PTCD2: variants seen among roughly 807,000 people sequenced by gnomAD.
PTCD2 encodes the protein pentatricopeptide repeat-containing protein 2, mitochondrial.
PTCD2 carries 31 observed loss-of-function variants against 42.6 expected under a neutral mutation model. That is an observed-to-expected ratio of 0.73 (90% confidence interval 0.55 to 0.98). The LOEUF (loss-of-function observed/expected upper bound fraction) is 0.98, where lower values mean the gene tolerates loss of function less well. Among genes scored for constraint, PTCD2 ranks in the 50% least tolerant of loss-of-function variants. The probability of loss-of-function intolerance (pLI) is 0.00; values close to 1 mark genes in which losing one functional copy is unlikely to be tolerated. For synonymous variants in PTCD2, 183 were observed against 170.9 expected (o/e 1.07, Z -0.55); for missense variants, 476 against 454.8 (o/e 1.05, Z -0.42).
rs1373563192 is a variant in PTCD2, at chr5:72,359,941, A to G, written c.*1514A>G. On this transcript the variant is annotated 3_prime_UTR_variant, in exon 10 of 10. Transcript: ENST00000380639. ...TTTCCTCATTTGGTAAATGGGGATA[A>G]TGGTACCGACCTCTTAGGCTTGGTG... The G allele has an allele frequency of 7.2e-5, 11 of 152,062 alleles. No homozygotes were observed. The highest frequency in any genetic ancestry group is 6.6e-4 in the Admixed American group (10 of 15,240). The allele number at this position is 152,062 out of a possible 1,614,324, so 9.4% of individuals were successfully genotyped here.
At chr5:72,350,934 C>T (rs945040157) in intron 8 of PTCD2, among the ~76,000 whole-genome samples, 4 of 152,184 alleles carry the variant, frequency 2.6e-5, no homozygotes, top group Non-Finnish European at 5.9e-5. Context: ...TTTAAAAGTA[C>T]ATATGTGCAC....
At chr5:72,320,651 G>T (rs1459382692) in intron 1 of PTCD2, 142 bp downstream of exon 1, 2 of 1,144,944 alleles carry the variant, frequency 1.7e-6, no homozygotes, top group Non-Finnish European at 2.5e-6. Context: ...CTAGTTGCAC[G>T]TGGGTGCAGT....
intron 8 of PTCD2, among the ~76,000 whole-genome samples, chr5:72,348,929 C>T (rs111806517): frequency 6.6e-6 from 1 of 152,342 alleles, no homozygotes; most frequent in Non-Finnish European, 1.5e-5. Flanking sequence ...GTCTAGGATG[C>T]ACAGGGAGGA....
intron 9 of PTCD2, among the ~76,000 whole-genome samples, chr5:72,354,341 G>A (rs1044667704): frequency 7.6e-5 from 9 of 118,484 alleles, no homozygotes; most frequent in African/African-American, 1.3e-4. Flanking sequence ...TCGAGATTGC[G>A]CCACTGCGCT....
At position 72,326,685 on chromosome 5, in the gene PTCD2, A is replaced by G; in HGVS notation, c.294A>G (p.Leu98=). 1 of 1,614,138 alleles carries G rather than the reference A, an allele frequency of 6.2e-7. No homozygotes were observed. Among genetic ancestry groups the G allele is most frequent in the Non-Finnish European group, 8.5e-7 (1 of 1,179,984 alleles). ...TCTTGAAGGGGGAGTTGATAACCTT[A>G]CTACATTTGTGTGAGTCTCGGGACC... ...KLILKGELIT[L]LHLCESRDHV... is the part of the protein sequence containing the mutation. Residue 98 remains leucine, a synonymous_variant, in exon 3 of 10, where the codon TTA becomes TTG. Coordinates refer to ENST00000380639, the MANE Select transcript of PTCD2 (RefSeq NM_024754.5).
At position 72,365,707 on chromosome 5, in the gene PTCD2, A is replaced by G. The variant is rs1370315223; in HGVS notation, c.*7280A>G. 1 of 152,192 alleles carries G rather than the reference A, an allele frequency of 6.6e-6. No homozygotes were observed. Among genetic ancestry groups the G allele is most frequent in the African/African-American group, 2.4e-5 (1 of 41,446 alleles). 9.4% of individuals were successfully genotyped at this position (152,192 alleles called of 1,614,324 possible). ...TGTTCCGGTTATAGCTGGTAGCAAG[A>G]TGGCTGCATGCATCATGAGGCTTTG... is the stretch of plus-strand genomic sequence containing the variant. On this transcript the variant is annotated 3_prime_UTR_variant, in exon 10 of 10. Coordinates refer to ENST00000380639, the MANE Select transcript of PTCD2 (RefSeq NM_024754.5).
intron 8 of PTCD2, among the ~76,000 whole-genome samples, chr5:72,343,836 C>T (rs1017037543): frequency 6.6e-6 from 1 of 152,238 alleles, no homozygotes; most frequent in East Asian, 1.9e-4. Context: ...ACACCATAGC[C>T]CCCATTCAGC....
intron 1 of PTCD2, 114 bp from the exon 2 acceptor site, chr5:72,322,058 T>C: frequency 3.2e-6 from 2 of 620,854 alleles, no homozygotes; most frequent in Non-Finnish European, 5.8e-6. Context: ...TATTTGTACC[T>C]GTCTAATGGA....
chr5:72,323,994 C>G (rs978639151), intron 2 of PTCD2, among the ~76,000 whole-genome samples: 1 of 152,036 alleles, frequency 6.6e-6, no homozygotes, highest in African/African-American at 2.4e-5. Context: ...AATGTTCTCT[C>G]GCTGCTCCGC....
In PTCD2 at chr5:72,367,541, G is replaced by A. The variant is rs1214170711; in HGVS notation, c.*9114G>A. On this transcript the variant is annotated 3_prime_UTR_variant, in exon 10 of 10. Transcript: ENST00000380639. The stretch of plus-strand genomic sequence containing the variant: ...TTGGCCACACCAGCTCAGGGATAAA[G>A]GTACTAGAAAAAATCTTGGGGAAAA... 1 of 152,166 alleles carries A rather than the reference G, an allele frequency of 6.6e-6. No homozygotes were observed. The highest frequency in any genetic ancestry group is 6.5e-5 in the Admixed American group (1 of 15,282). 9.4% of individuals were successfully genotyped at this position (152,166 alleles called of 1,614,324 possible). A position where few individuals can be genotyped will look rare whatever the true frequency, so the allele number is the denominator to read the frequency against.
chr5:72,325,648 T>C (rs1459013251), intron 2 of PTCD2, among the ~76,000 whole-genome samples: 1 of 152,202 alleles, frequency 6.6e-6, no homozygotes, highest in Non-Finnish European at 1.5e-5. Context: ...TTCTTTTAAA[T>C]TGAGAACAGT....
At chr5:72,333,062 A>G (rs1481082733) in intron 4 of PTCD2, among the ~76,000 whole-genome samples, 3 of 152,294 alleles carry the variant, frequency 2.0e-5, no homozygotes, top group South Asian at 2.1e-4. Flanking sequence ...TGGTGACTCA[A>G]AATGCTTTTC....
chr5:72,360,381 G>A lies in PTCD2; in HGVS notation c.*1954G>A, dbSNP rs558732079. On this transcript the variant is annotated 3_prime_UTR_variant, in exon 10 of 10. Coordinates refer to ENST00000380639, the MANE Select transcript of PTCD2 (RefSeq NM_024754.5). Reference sequence around the variant, plus strand: ...GTTGTTAGCTAACAACCATTCATTAGCGAAATAACCAAATTTTGTGAGCAG... The same window carrying A: ...GTTGTTAGCTAACAACCATTCATTAACGAAATAACCAAATTTTGTGAGCAG... The A allele has an allele frequency of 8.8e-4, 134 of 152,218 alleles. No individual in the cohort carries two copies. Among genetic ancestry groups the A allele is most frequent in the African/African-American group, 3.1e-3 (129 of 41,528 alleles). The allele number at this position is 152,218 out of a possible 1,614,324, so 9.4% of individuals were successfully genotyped here.
At chr5:72,340,560 A>G (rs570175475) in intron 7 of PTCD2, among the ~76,000 whole-genome samples, 2 of 152,248 alleles carry the variant, frequency 1.3e-5, no homozygotes, top group Admixed American at 6.5e-5. Flanking sequence ...AGTCCTTTGT[A>G]TAGTTAAATA....
At chr5:72,333,529 C>A in intron 4 of PTCD2, among the ~76,000 whole-genome samples, 1 of 152,156 alleles carries the variant, frequency 6.6e-6, no homozygotes, top group East Asian at 1.9e-4. Flanking sequence ...AGTAGGTGAT[C>A]GGAAAAGAGT....
chr5:72,355,045 T>C (rs1165021602), intron 9 of PTCD2, among the ~76,000 whole-genome samples: 2 of 152,248 alleles, frequency 1.3e-5, no homozygotes, highest in Admixed American at 6.5e-5. Context: ...TTTATGTTTT[T>C]GAAAAACACT....
At chr5:72,335,720 C>A in intron 5 of PTCD2, 74 bp from the exon 6 acceptor site, 1 of 906,682 alleles carries the variant, frequency 1.1e-6, no homozygotes, top group Non-Finnish European at 1.8e-6. Context: ...GTAGATGGTG[C>A]TGAACAGATG....
chr5:72,342,783 A>G (rs543068475), intron 7 of PTCD2, among the ~76,000 whole-genome samples, 179 bp from the exon 8 acceptor site: 1 of 152,380 alleles, frequency 6.6e-6, no homozygotes, highest in South Asian at 2.1e-4. Context: ...ATTCAACAAT[A>G]TGCGACTGGA....
chr5:72,327,145 A>G (rs902424618), intron 3 of PTCD2, among the ~76,000 whole-genome samples: 1 of 152,188 alleles, frequency 6.6e-6, no homozygotes, highest in South Asian at 2.1e-4. Context: ...CTGATAGGGT[A>G]AGAAATCCTC....
Sources: gnomAD v4.1 joint callset for allele counts (sites outside exome capture counted in the v4.1 genomes callset) on GRCh38, gnomAD v4.1.1 for gene constraint, MANE v1.5 for transcripts, NCBI Gene and HGNC (gene_info 2026-07-23, HGNC 2026-07-21) for gene names.